The following MAU2 variants were observed in gnomAD, a reference collection of about 807,000 sequenced individuals.
The protein encoded by MAU2 is MAU2 sister chromatid cohesion factor.
Under a neutral mutation model 89.1 loss-of-function variants are expected in MAU2, and 9 were observed. That is an observed-to-expected ratio of 0.10 (90% CI 0.06 to 0.18). MAU2 has a LOEUF of 0.18. Ranked by LOEUF, MAU2 falls within the 10% of genes least tolerant of loss-of-function variation. The pLI is 1.00. For synonymous variants in MAU2, 357 were observed against 343.4 expected (o/e 1.04, Z -0.44); for missense variants, 425 against 803.5 (o/e 0.53, Z 5.69).
Position 19,340,852 on chromosome 19 carries a change from G to A in MAU2, c.558G>A (p.Leu186=), listed in dbSNP as rs1220109097. 6.2e-7 allele frequency: 1 copy of A among 1,613,550 alleles called. No individual in the cohort carries two copies. Among genetic ancestry groups the A allele is most frequent in the East Asian group, 2.2e-5 (1 of 44,870 alleles). ...RVVGSEYTRA[L]FLLSKGMLLL... is the part of the protein sequence containing the mutation. ...CCTGCCTCTTGTTTTGCAGGGCGCT[G>A]TTCCTCCTCAGCAAGGGGATGGTAA... The change falls in exon 6 of 19, where the codon CTG becomes CTA. Residue 186 remains leucine, a synonymous_variant. Coordinates refer to ENST00000262815, the MANE Select transcript of MAU2 (RefSeq NM_015329.4).
At chr19:19,334,690 C>A in intron 1 of MAU2, 2 of 790,238 alleles carry the variant, frequency 2.5e-6, no homozygotes, top group Non-Finnish European at 3.1e-6. Context: ...GCCGCTGTTG[C>A]CGCATGAGTG....
At chr19:19,348,982 C>G (rs764252857) in intron 14 of MAU2, 44 bp downstream of exon 14, 2 of 1,603,930 alleles carry the variant, frequency 1.2e-6, no homozygotes, top group Non-Finnish European at 1.7e-6. Flanking sequence ...CTAGGCTCCC[C>G]GTGCTCTTTG....
intron 2 of MAU2, 128 bp downstream of exon 2, chr19:19,335,863 G>C: frequency 9.1e-7 from 1 of 1,102,564 alleles, no homozygotes; most frequent in East Asian, 2.4e-5. Context: ...AGAGCACCTG[G>C]AGTGTCCCCC....
intron 1 of MAU2, among the ~76,000 whole-genome samples, chr19:19,329,684 T>G (rs1268112850): frequency 6.6e-6 from 1 of 151,202 alleles, no homozygotes; most frequent in Non-Finnish European, 1.5e-5. Context: ...AAAAAAAAAA[T>G]GATTTTGAGC....
At position 19,354,335 on chromosome 19, in the gene MAU2, T is replaced by A; in HGVS notation, c.1549-20T>A. 1 of 1,607,212 alleles carries A rather than the reference T, an allele frequency of 6.2e-7. No homozygotes were observed. Among genetic ancestry groups the A allele is most frequent in the Non-Finnish European group, 8.5e-7 (1 of 1,173,898 alleles). On this transcript the variant is annotated intron_variant, in intron 16 of 18. Transcript: ENST00000262815. ...TGGGGTCCAGGCTCCTCACTCCCCC[T>A]TGCTGCTCTTGGTTGACAGGAGAGT...
intron 4 of MAU2, 22 bp downstream of exon 4, chr19:19,337,287 C>G: frequency 6.3e-7 from 1 of 1,593,046 alleles, no homozygotes; most frequent in Non-Finnish European, 8.6e-7. Flanking sequence ...GGCCCGGGAA[C>G]GAGGGTGCCC....
intron 3 of MAU2, 95 bp from the exon 4 acceptor site, chr19:19,337,075 C>T (rs1160699431): frequency 2.2e-6 from 2 of 915,040 alleles, no homozygotes; most frequent in Admixed American, 4.4e-5. Context: ...CAGGAACTGC[C>T]TTCTGGCACC....
intron 1 of MAU2, among the ~76,000 whole-genome samples, chr19:19,332,352 G>A (rs1447325885): frequency 1.4e-5 from 1 of 73,314 alleles, no homozygotes; most frequent in African/African-American, 5.3e-5. Context: ...TTTTTTTTTA[G>A]AGCGAGAGAC....
chr19:19,321,143 C>G lies in MAU2; in HGVS notation c.276+8C>G, dbSNP rs778933017. ...AGCCACCTGGAGAAGGCGGTGAGCG[C>G]GGGCCGGGCCGCGAGGGAGGAGTCG... On this transcript the variant is annotated splice_region_variant and intron_variant, in intron 1 of 18. Coordinates refer to ENST00000262815, the MANE Select transcript of MAU2 (RefSeq NM_015329.4). 4.4e-6 allele frequency: 7 copies of G among 1,581,190 alleles called. No homozygotes were observed. The African/African-American group carries it at 8.3e-5, about 19-fold the overall frequency.
At chr19:19,349,498 G>T in intron 16 of MAU2, 62 bp downstream of exon 16, 1 of 1,429,330 alleles carries the variant, frequency 7.0e-7, no homozygotes, top group Non-Finnish European at 9.8e-7. Context: ...AGGGACAGGA[G>T]CCGGCCAGCA....
chr19:19,332,999 C>T (rs1038178930), intron 1 of MAU2, among the ~76,000 whole-genome samples: 2 of 151,936 alleles, frequency 1.3e-5, no homozygotes, highest in Non-Finnish European at 2.9e-5. Flanking sequence ...ATCACTTGAA[C>T]CTGGGAAGCG....
intron 1 of MAU2, among the ~76,000 whole-genome samples, chr19:19,326,692 AT>A (rs906692689): frequency 4.9e-5 from 6 of 121,218 alleles, no homozygotes; most frequent in African/African-American, 1.7e-4. Flanking sequence ...TCAAAAAAAA[AT>A]ATATATATGT....
chr19:19,351,380 T>C lies in MAU2; in HGVS notation c.1548+1944T>C, dbSNP rs542742108. 1.1e-3 allele frequency among the ~76,000 whole-genome samples: 165 copies of C among 151,288 alleles called. 3 individuals are homozygous for C. Among genetic ancestry groups the C allele is most frequent in the African/African-American group, 3.8e-3 (156 of 41,222 alleles). ...CTATCTCTTAAAAAAAAAAAAAAGA[T>C]ATTTTCCAGCCAGACACAGTGGCTC... On this transcript the variant is annotated intron_variant, in intron 16 of 18. Coordinates refer to ENST00000262815, the MANE Select transcript of MAU2 (RefSeq NM_015329.4).
intron 1 of MAU2, among the ~76,000 whole-genome samples, chr19:19,323,258 G>A (rs1008164645): frequency 1.3e-5 from 2 of 151,014 alleles, no homozygotes; most frequent in African/African-American, 4.9e-5. Context: ...GCAGTGGCGC[G>A]GTCTTGGCTC....
rs756329855 is a variant in MAU2, at chr19:19,341,404, G to C, written c.732G>C (p.Gly244=). 6.2e-7 allele frequency: 1 copy of C among 1,613,518 alleles called. No homozygotes were observed. Among genetic ancestry groups the C allele is most frequent in the Admixed American group, 1.7e-5 (1 of 60,000 alleles). ...VLQVTHYLDA[G]QVKSVKPCLK... is the part of the protein sequence containing the mutation. ...AGGTCACCCACTATCTGGATGCCGGGCAGGTGTGTGGCGCCTCTCAGGCGA... is the reference window on the plus strand; with the variant it reads ...AGGTCACCCACTATCTGGATGCCGGCCAGGTGTGTGGCGCCTCTCAGGCGA... The change falls in exon 7 of 19, where the codon GGG becomes GGC. Residue 244 remains glycine, a synonymous_variant. Transcript: ENST00000262815.
intron 7 of MAU2, among the ~76,000 whole-genome samples, chr19:19,341,676 T>C (rs2061648220): frequency 6.6e-6 from 1 of 152,214 alleles, no homozygotes; most frequent in Non-Finnish European, 1.5e-5. Context: ...GTATGGATGC[T>C]CAGAGATTCC....
intron 1 of MAU2, among the ~76,000 whole-genome samples, chr19:19,327,666 C>A (rs542499128): frequency 2.0e-5 from 3 of 151,986 alleles, no homozygotes; most frequent in African/African-American, 7.2e-5. Context: ...GTTGGCCACA[C>A]TGGTCTCGAA....
Position 19,343,960 on chromosome 19 carries a change from G to A in MAU2, c.1077+20G>A. On this transcript the variant is annotated intron_variant, in intron 10 of 18. Coordinates refer to ENST00000262815, the MANE Select transcript of MAU2 (RefSeq NM_015329.4). ...CAGGAGGTAAGGCTGGAAGCAGGAG[G>A]GGCGGGAAGGCCCAGGAGTTTGTTG... is the stretch of plus-strand genomic sequence containing the variant. The A allele has an allele frequency of 6.3e-7, 1 of 1,598,428 alleles. No individual in the cohort carries two copies. Among genetic ancestry groups the A allele is most frequent in the East Asian group, 2.2e-5 (1 of 44,828 alleles).
chr19:19,353,700 T>C (rs2061762448), intron 16 of MAU2: 1 of 156,382 alleles, frequency 6.4e-6, no homozygotes, highest in Non-Finnish European at 1.4e-5. Context: ...CCAGCACTGC[T>C]GGTCGCCTGT....
Sources: allele counts gnomAD v4.1 joint callset (sites outside exome capture counted in the v4.1 genomes callset), GRCh38; gene constraint gnomAD v4.1.1; transcripts MANE v1.5; gene names NCBI Gene and HGNC (gene_info 2026-07-23, HGNC 2026-07-21).